PVT1: variants seen among roughly 807,000 people sequenced by gnomAD.
PVT1 encodes CXCR4/PVT1 fusion.
chr8:127,861,752 G>A (rs151095016), intron 2 of PVT1, among the ~76,000 whole-genome samples: 5 of 152,304 alleles, frequency 3.3e-5, no homozygotes, highest in Non-Finnish European at 5.9e-5. Flanking sequence ...AGGATGAGGT[G>A]AAGAAAGTTG....
chr8:128,058,983 C>T (rs1353364563), intron 4 of PVT1, among the ~76,000 whole-genome samples: 2 of 152,122 alleles, frequency 1.3e-5, no homozygotes, highest in Non-Finnish European at 2.9e-5. Flanking sequence ...CCCTTTTATT[C>T]CTCCTTCCAG....
chr8:128,008,222 GT>G (rs1817270256), intron 4 of PVT1, among the ~76,000 whole-genome samples: 1 of 152,186 alleles, frequency 6.6e-6, no homozygotes, highest in Admixed American at 6.5e-5. Flanking sequence ...GGCTTTTGTA[GT>G]TACTGTGAAA....
intron 2 of PVT1, among the ~76,000 whole-genome samples, chr8:127,841,083 T>C (rs1814968090): frequency 6.6e-6 from 1 of 152,132 alleles, no homozygotes; most frequent in African/African-American, 2.4e-5. Context: ...TGTCTTTGAG[T>C]CCTCAGTCCT....
chr8:127,964,607 C>T (rs1467215548), intron 3 of PVT1, among the ~76,000 whole-genome samples: 1 of 152,080 alleles, frequency 6.6e-6, no homozygotes, highest in Non-Finnish European at 1.5e-5. Flanking sequence ...AAGGTGTCAG[C>T]GAGGTTGACA....
Position 127,832,654 on chromosome 8 carries a change from A to T in PVT1, n.372+36583A>T, listed in dbSNP as rs111442262. ...CGGGCGGATCACGAGGTCAGGAGAT[A>T]GAGACCATCCTGGCTAACATGGTGA... On this transcript the variant is annotated intron_variant and non_coding_transcript_variant, in intron 2 of 10. Transcript: ENST00000651587. Among the ~76,000 whole-genome samples the T allele has an allele frequency of 3.4e-4, 52 of 152,194 alleles. 1 individual carries two copies. In the South Asian group the frequency reaches 4.8e-3, roughly 14 times the overall value.
At chr8:128,014,212 G>A (rs1354095483) in intron 4 of PVT1, among the ~76,000 whole-genome samples, 3 of 152,338 alleles carry the variant, frequency 2.0e-5, no homozygotes, top group Non-Finnish European at 4.4e-5. Context: ...CATGGCAGGT[G>A]CACAGTGGAT....
At chr8:127,861,466 A>G (rs1423920343) in intron 2 of PVT1, among the ~76,000 whole-genome samples, 7 of 152,068 alleles carry the variant, frequency 4.6e-5, no homozygotes, top group African/African-American at 1.7e-4. Context: ...TCAAATATAG[A>G]TCACCCGTAA....
intron 2 of PVT1, among the ~76,000 whole-genome samples, chr8:127,887,448 G>T (rs1030770180): frequency 6.6e-6 from 1 of 152,076 alleles, no homozygotes; most frequent in African/African-American, 2.4e-5. Context: ...TATCTACCAG[G>T]GAACTGCTTC....
chr8:127,965,654 G>A (rs938683698), intron 3 of PVT1, among the ~76,000 whole-genome samples: 19 of 152,228 alleles, frequency 1.2e-4, no homozygotes, highest in African/African-American at 4.3e-4. Context: ...CACTTCAGAT[G>A]CAGTAGAGTT....
chr8:127,947,035 G>T (rs903857353), intron 3 of PVT1: 1 of 152,396 alleles, frequency 6.6e-6, no homozygotes, highest in Non-Finnish European at 1.5e-5. Context: ...CTGTGTACAA[G>T]TTAAACCCGT....
chr8:127,970,285 A>ATTTTTTTT (rs1321419703), intron 3 of PVT1, among the ~76,000 whole-genome samples: 37 of 26,808 alleles, frequency 1.4e-3, no homozygotes, highest in South Asian at 8.2e-3. Flanking sequence ...ATCTGCCATG[A>ATTTTTTTT]TTTGTTTTTT....
At chr8:127,827,283 A>G (rs1018548543) in intron 2 of PVT1, among the ~76,000 whole-genome samples, 1 of 152,170 alleles carries the variant, frequency 6.6e-6, no homozygotes, top group African/African-American at 2.4e-5. Flanking sequence ...GGCGTGAGCC[A>G]CCACACCCGA....
chr8:128,059,775 G>A (rs151225716), intron 4 of PVT1, among the ~76,000 whole-genome samples: 1 of 152,244 alleles, frequency 6.6e-6, no homozygotes, highest in East Asian at 1.9e-4. Flanking sequence ...TTTACACATG[G>A]GGAAGTGAGA....
chr8:127,923,359 A>C (rs1004795923), intron 3 of PVT1, among the ~76,000 whole-genome samples: 1 of 152,250 alleles, frequency 6.6e-6, no homozygotes, highest in East Asian at 1.9e-4. Flanking sequence ...CTGATAAATG[A>C]CAAAGCCAGA....
chr8:127,813,361 G>A (rs752826499), intron 2 of PVT1, among the ~76,000 whole-genome samples: 1 of 151,776 alleles, frequency 6.6e-6, no homozygotes, highest in Non-Finnish European at 1.5e-5. Context: ...GAGGAAACTT[G>A]TAGGTCTCTT....
intron 6 of PVT1, among the ~76,000 whole-genome samples, chr8:128,098,849 T>C (rs1373674912): frequency 6.6e-6 from 1 of 152,164 alleles, no homozygotes; most frequent in African/African-American, 2.4e-5. Context: ...CTGGCCCCTG[T>C]GGACAGGGAC....
At chr8:128,060,027 C>T (rs1268871) in intron 4 of PVT1, among the ~76,000 whole-genome samples, 3 of 152,098 alleles carry the variant, frequency 2.0e-5, no homozygotes, top group Admixed American at 6.6e-5. Context: ...GAGGCCAAGG[C>T]GGGTGGATCA....
At chr8:127,927,065 A>T (rs1352134157) in intron 3 of PVT1, among the ~76,000 whole-genome samples, 2 of 152,284 alleles carry the variant, frequency 1.3e-5, no homozygotes, top group South Asian at 4.1e-4. Context: ...TGGGAAACTC[A>T]TGGAACTTGG....
intron 2 of PVT1, among the ~76,000 whole-genome samples, chr8:127,840,163 C>T (rs759602558): frequency 2.6e-5 from 4 of 152,156 alleles, no homozygotes; most frequent in Non-Finnish European, 5.9e-5. Context: ...TGGCTTTCTT[C>T]GGAAGGAGCA....
Sources: gnomAD v4.1 joint callset for allele counts (sites outside exome capture counted in the v4.1 genomes callset) on GRCh38, gnomAD v4.1.1 for gene constraint, MANE v1.5 for transcripts, NCBI Gene and HGNC (gene_info 2026-07-23, HGNC 2026-07-21) for gene names.